Variants in ZNF609 observed in about 807,000 individuals in gnomAD.
ZNF609 encodes the protein zinc finger protein 609.
Under a neutral mutation model 109.5 loss-of-function variants are expected in ZNF609, and 11 were observed. The ratio of observed to expected loss-of-function variants is 0.10; its 90% CI spans 0.06 to 0.17. The LOEUF (loss-of-function observed/expected upper bound fraction) is 0.17. Among genes scored for constraint, ZNF609 ranks in the 10% least tolerant of loss-of-function variants. The probability of loss-of-function intolerance (pLI) is 1.00; values close to 1 mark genes in which losing one functional copy is unlikely to be tolerated. For missense variants in ZNF609, 1,559 were observed against 1,772.4 expected, an observed-to-expected ratio of 0.88 and a Z score of 2.16; for synonymous variants, 646 against 662.0, an observed-to-expected ratio of 0.98 and a Z score of 0.37.
intron 3 of ZNF609, among the ~76,000 whole-genome samples, chr15:64,664,810 T>C (rs1169153855): frequency 1.3e-5 from 2 of 152,344 alleles, no homozygotes; most frequent in East Asian, 1.9e-4. Context: ...AGCTCATTCA[T>C]TATTGCTAAA....
intron 3 of ZNF609, among the ~76,000 whole-genome samples, chr15:64,644,757 G>A (rs760610899): frequency 6.6e-6 from 1 of 152,172 alleles, no homozygotes; most frequent in East Asian, 1.9e-4. Flanking sequence ...ATTGATGGAT[G>A]AGCTCTTGAT....
At chr15:64,657,328 G>A (rs2141002127) in intron 3 of ZNF609, among the ~76,000 whole-genome samples, 1 of 150,588 alleles carries the variant, frequency 6.6e-6, no homozygotes, top group Admixed American at 6.6e-5. Flanking sequence ...TAAAAGCAGT[G>A]TTTGAGGCCG....
At chr15:64,623,444 C>G (rs965436777) in intron 3 of ZNF609, among the ~76,000 whole-genome samples, 1 of 152,206 alleles carries the variant, frequency 6.6e-6, no homozygotes. Context: ...AATAGTCACT[C>G]TTAAATTCAC....
Position 64,685,386 on chromosome 15 carries a change from T to A in ZNF609, c.*3700T>A, listed in dbSNP as rs1192160866. ...TCTTCCTGGCCCTGCTCCATATGCA[T>A]CCTCAGCTTCACTTTCCCTGGCTGA... On this transcript the variant is annotated 3_prime_UTR_variant, in exon 10 of 10. Coordinates refer to ENST00000326648, the MANE Select transcript of ZNF609 (RefSeq NM_015042.2). The A allele has an allele frequency of 6.5e-6, 1 of 152,736 alleles. No homozygotes were observed. Among genetic ancestry groups the A allele is most frequent in the Non-Finnish European group, 1.5e-5 (1 of 68,136 alleles). 9.5% of individuals were successfully genotyped at this position (152,736 alleles called of 1,614,324 possible).
intron 2 of ZNF609, among the ~76,000 whole-genome samples, chr15:64,542,544 A>G (rs1894282107): frequency 6.6e-6 from 1 of 152,126 alleles, no homozygotes; most frequent in African/African-American, 2.4e-5. Flanking sequence ...TATATTTTAC[A>G]TTCATTATAT....
At chr15:64,625,469 G>A (rs767847987) in intron 3 of ZNF609, among the ~76,000 whole-genome samples, 2 of 151,904 alleles carry the variant, frequency 1.3e-5, no homozygotes, top group African/African-American at 2.4e-5. Flanking sequence ...GCAGTGAGCC[G>A]AGATCGCACC....
At chr15:64,522,244 A>C (rs1893902350) in intron 2 of ZNF609, among the ~76,000 whole-genome samples, 1 of 152,232 alleles carries the variant, frequency 6.6e-6, no homozygotes, top group South Asian at 2.1e-4. Flanking sequence ...TTTATTGTAA[A>C]GAATTTGGAA....
At chr15:64,564,048 C>G in intron 2 of ZNF609, among the ~76,000 whole-genome samples, 1 of 151,508 alleles carries the variant, frequency 6.6e-6, no homozygotes, top group East Asian at 1.9e-4. Flanking sequence ...CACACCCGGC[C>G]TAAATTTTAA....
At chr15:64,672,006 C>CTTTTTTTTTTTT (rs771330218) in intron 4 of ZNF609, among the ~76,000 whole-genome samples, 1 of 86,754 alleles carries the variant, frequency 1.2e-5, no homozygotes, top group African/African-American at 5.6e-5. Context: ...GAGGCTTAGA[C>CTTTTTTTTTTTT]TTTTTTTTTT....
At chr15:64,638,102 GA>G in intron 3 of ZNF609, among the ~76,000 whole-genome samples, 1 of 148,266 alleles carries the variant, frequency 6.7e-6, no homozygotes, top group East Asian at 2.0e-4. Context: ...ATGTAAGTTG[GA>G]AGTCAAGATT....
rs540191801 is a variant in ZNF609 at position 64,516,771 on chromosome 15, GATCTT to G, written c.747+16612_747+16616del. Among the ~76,000 whole-genome samples the G allele has an allele frequency of 1.7e-4, 26 of 152,142 alleles. No homozygotes were observed. The East Asian group carries it at 5.0e-3, about 29-fold the overall frequency. On this transcript the variant is annotated intron_variant, in intron 2 of 9. Transcript: ENST00000326648. ...ATATATATATTTTTAATCTTGTATT[GATCTT>G]ATCTTAGGGATGGTTCCTTATAATT...
At chr15:64,656,760 C>T (rs1313261644) in intron 3 of ZNF609, among the ~76,000 whole-genome samples, 2 of 151,044 alleles carry the variant, frequency 1.3e-5, no homozygotes, top group East Asian at 1.9e-4. Context: ...TCCCTCTCTC[C>T]CTCTTTCTCC....
Position 64,499,952 on chromosome 15 carries a change from G to C in ZNF609, c.533G>C (p.Cys178Ser). 6.2e-7 allele frequency: 1 copy of C among 1,614,098 alleles called. No homozygotes were observed. ...GAGAGAAGCGAAGGAGTGGGGACTT[G>C]TTCAGAAAAGGATCCTGGGGTCCTC... is the stretch of plus-strand genomic sequence containing the variant. ...KKERSEGVGT[C>S]SEKDPGVLQP... Residue 178 changes from cysteine to serine, a missense_variant, in exon 2 of 10, where the codon TGT becomes TCT. Cys to Ser is a moderately radical substitution (Grantham distance 112). Around this residue, in one of 4 missense-constraint regions of ZNF609, gnomAD observed 291 missense variants for 317.8 expected, o/e 0.92. Coordinates refer to ENST00000326648, the MANE Select transcript of ZNF609 (RefSeq NM_015042.2).
At position 64,560,780 on chromosome 15, in the gene ZNF609, C is replaced by G. The variant is rs139397637; in HGVS notation, c.747+60614C>G. On this transcript the variant is annotated intron_variant, in intron 2 of 9. Coordinates refer to ENST00000326648, the MANE Select transcript of ZNF609 (RefSeq NM_015042.2). ...GAAACAGGTCAAAGTTGGCTGAAGT[C>G]CATAGAATGTATATTTTAATTTAAG... 4.5e-3 allele frequency among the ~76,000 whole-genome samples: 680 copies of G among 152,198 alleles called. 4 individuals are homozygous for G. Among genetic ancestry groups the G allele is most frequent in the Non-Finnish European group, 7.3e-3 (495 of 68,012 alleles).
rs984194389 is a variant in ZNF609 at position 64,680,850 on chromosome 15, C to T, written c.4150C>T (p.Pro1384Ser). 6.2e-7 allele frequency: 1 copy of T among 1,610,292 alleles called. No homozygotes were observed. Among genetic ancestry groups the T allele is most frequent in the East Asian group, 2.2e-5 (1 of 44,874 alleles). ...YSLLPAQYNLPYAAGLSSTAI... is the reference protein window; with the variant it reads ...YSLLPAQYNLSYAAGLSSTAI... Reference sequence around the variant, plus strand: ...ATTGCTCCCAGCACAGTACAACTTACCCTATGCAGCAGGTAAGCCTGTTTT... The same window carrying T: ...ATTGCTCCCAGCACAGTACAACTTATCCTATGCAGCAGGTAAGCCTGTTTT... The change falls in exon 8 of 10, where the codon CCC becomes TCC. Residue 1384 changes from proline (P) to serine (S), a missense_variant. Physicochemically the swap from Pro to Ser is moderately conservative, Grantham distance 74. Transcript: ENST00000326648.
At chr15:64,476,762 A>T (rs1374435618) in intron 1 of ZNF609, among the ~76,000 whole-genome samples, 1 of 152,078 alleles carries the variant, frequency 6.6e-6, no homozygotes, top group Admixed American at 6.6e-5. Flanking sequence ...GAGGGGTGGG[A>T]TTTACCCTTC....
intron 3 of ZNF609, among the ~76,000 whole-genome samples, chr15:64,636,413 AAGC>A (rs930322462): frequency 4.6e-5 from 7 of 152,156 alleles, no homozygotes; most frequent in African/African-American, 1.7e-4. Flanking sequence ...GGGTATCTAA[AAGC>A]AGCCCAAAAG....
chr15:64,627,211 A>AG (rs1895978063), intron 3 of ZNF609, among the ~76,000 whole-genome samples: 1 of 152,146 alleles, frequency 6.6e-6, no homozygotes, highest in African/African-American at 2.4e-5. Flanking sequence ...ACAAAAAAAA[A>AG]CAAAACAAAA....
intron 2 of ZNF609, among the ~76,000 whole-genome samples, chr15:64,560,792 T>C (rs572930948): frequency 6.6e-6 from 1 of 152,310 alleles, no homozygotes; most frequent in South Asian, 2.1e-4. Flanking sequence ...ATAGAATGTA[T>C]ATTTTAATTT....
Sources: allele counts gnomAD v4.1 joint callset (sites outside exome capture counted in the v4.1 genomes callset), GRCh38; gene constraint gnomAD v4.1.1; regional missense constraint gnomAD v4.1.1; transcripts MANE v1.5; gene names NCBI Gene and HGNC (gene_info 2026-07-23, HGNC 2026-07-21).